The following BBIP1 variants were observed in gnomAD, a reference collection of about 807,000 sequenced individuals.
BBIP1 encodes the protein BBSome-interacting protein 1.
In BBIP1, 6 loss-of-function variants were observed where a neutral mutation model predicts 8.9. The ratio of observed to expected loss-of-function variants is 0.67; its 90% CI spans 0.37 to 1.33. The LOEUF is 1.33. BBIP1 is among the 40% of genes most tolerant of loss of function. The pLI, the probability that BBIP1 is intolerant of heterozygous loss-of-function variation, is 0.02. For synonymous variants in BBIP1, 32 were observed against 33.4 expected, an observed-to-expected ratio of 0.96 and a Z score of 0.14; for missense variants, 111 against 109.2, an observed-to-expected ratio of 1.02 and a Z score of -0.07.
chr10:110,900,312 T>TTAAA lies in BBIP1; in HGVS notation c.*44_*47dup. ...ACAGAAGCATATTTTCTAGTTATTG[T>TTAAA]TAAATAGTAGATAAGGCAGGTTGTT... On this transcript the variant is annotated 3_prime_UTR_variant, in exon 4 of 4. Coordinates refer to ENST00000448814, the MANE Select transcript of BBIP1 (RefSeq NM_001195305.3). 2.0e-6 allele frequency: 3 copies of TTAAA among 1,474,092 alleles called. No homozygotes were observed. The highest frequency in any genetic ancestry group is 2.7e-6 in the Non-Finnish European group (3 of 1,108,774). The allele number at this position is 1,474,092 out of a possible 1,614,324, so 91.3% of individuals were successfully genotyped here.
chr10:110,903,579 T>G (rs190188196), intron 2 of BBIP1: 1 of 152,408 alleles, frequency 6.6e-6, no homozygotes, highest in East Asian at 1.9e-4. Context: ...GGCTACACTT[T>G]GTTGATAATC....
At chr10:110,900,834 C>A in intron 3 of BBIP1, 1 of 286,326 alleles carries the variant, frequency 3.5e-6, no homozygotes, top group Non-Finnish European at 6.6e-6. Flanking sequence ...TATATATATA[C>A]ATAGTGCAAA....
Position 110,900,166 on chromosome 10 carries a change from G to A in BBIP1, c.*194C>T. 1.9e-6 allele frequency: 1 copy of A among 530,898 alleles called. No homozygotes were observed. The highest frequency in any genetic ancestry group is 3.1e-6 in the Non-Finnish European group (1 of 324,552). 32.9% of individuals were successfully genotyped at this position (530,898 alleles called of 1,614,324 possible). A position where few individuals can be genotyped will look rare whatever the true frequency, so the allele number is the denominator to read the frequency against. ...ATAAAACTTGGTTCATAGTTTAACT[G>A]TTTATGTTCAATACAAACCAGAGTG... On this transcript the variant is annotated 3_prime_UTR_variant, in exon 4 of 4. Transcript: ENST00000448814.
At chr10:110,906,151 C>T (rs1015413047) in intron 2 of BBIP1, among the ~76,000 whole-genome samples, 2 of 151,748 alleles carry the variant, frequency 1.3e-5, no homozygotes, top group Non-Finnish European at 1.5e-5. Flanking sequence ...TACAGGCGCC[C>T]GCCACCAAGC....
At chr10:110,908,546 A>G (rs1846197703) in intron 2 of BBIP1, among the ~76,000 whole-genome samples, 1 of 152,254 alleles carries the variant, frequency 6.6e-6, no homozygotes, top group Non-Finnish European at 1.5e-5. Flanking sequence ...TCTAGGCTTG[A>G]GGATCCTGAA....
intron 2 of BBIP1, chr10:110,910,719 T>C (rs1318500434): frequency 1.3e-5 from 2 of 152,090 alleles, no homozygotes; most frequent in African/African-American, 4.8e-5. Flanking sequence ...TGAGCTAACA[T>C]GATTGTGGAT....
chr10:110,914,122 C>T (rs889550407), intron 2 of BBIP1, among the ~76,000 whole-genome samples: 3 of 152,126 alleles, frequency 2.0e-5, no homozygotes, highest in Admixed American at 6.5e-5. Flanking sequence ...TCTGACTTTG[C>T]AACTACAGTA....
At position 110,912,334 on chromosome 10, in the gene BBIP1, T is replaced by G. The variant is rs764570854; in HGVS notation, c.37+5787A>C. The G allele has an allele frequency of 2.0e-5, 3 of 152,320 alleles. No homozygotes were observed. In the East Asian group the frequency reaches 5.8e-4, roughly 29 times the overall value. 9.4% of individuals were successfully genotyped at this position (152,320 alleles called of 1,614,324 possible). A position where few individuals can be genotyped will look rare whatever the true frequency, so the allele number is the denominator to read the frequency against. The stretch of plus-strand genomic sequence containing the variant: ...CACTGAAACTTTCAAATCCTAAGCT[T>G]AATTAGAAATATACAACACTTTAAA... On this transcript the variant is annotated intron_variant, in intron 2 of 3. Coordinates refer to ENST00000448814, the MANE Select transcript of BBIP1 (RefSeq NM_001195305.3).
chr10:110,912,601 G>A (rs527295997), intron 2 of BBIP1, among the ~76,000 whole-genome samples: 1 of 152,258 alleles, frequency 6.6e-6, no homozygotes, highest in South Asian at 2.1e-4. Context: ...TACTCATAAC[G>A]TATACATATG....
Position 110,917,194 on chromosome 10 carries a change from A to ATTTTTTTTTT in BBIP1, c.37+917_37+926dup, listed in dbSNP as rs67066048. On this transcript the variant is annotated intron_variant, in intron 2 of 3. Transcript: ENST00000448814. ...AAAGAAAAATTTTGACTGGATCCTGATTTTTTTTTTTTTTTTTTTTTTTTG... is the reference window on the plus strand; with the variant it reads ...AAAGAAAAATTTTGACTGGATCCTGATTTTTTTTTTTTTTTTTTTTTTTTTTTTTTTTTTG... Among the ~76,000 whole-genome samples the ATTTTTTTTTT allele has an allele frequency of 7.4e-5, 8 of 107,972 alleles. 1 individual carries two copies. The highest frequency in any genetic ancestry group is 1.1e-4 in the Non-Finnish European group (6 of 56,026). 70.8% of individuals were successfully genotyped at this position (107,972 alleles called of 152,430 possible).
Position 110,898,825 on chromosome 10 carries a change from T to G in BBIP1, c.*1535A>C, listed in dbSNP as rs139237079. On this transcript the variant is annotated 3_prime_UTR_variant, in exon 4 of 4. Transcript: ENST00000448814. ...ATTTTGAATCTCATAAGGAAGCATA[T>G]TTGAACCTAGTCAATTTAATCTTAG... 1.2e-4 allele frequency: 19 copies of G among 152,746 alleles called. No homozygotes were observed. The East Asian group carries it at 3.7e-3, about 29-fold the overall frequency. The allele number at this position is 152,746 out of a possible 1,614,324, so 9.5% of individuals were successfully genotyped here. A position where few individuals can be genotyped will look rare whatever the true frequency, so the allele number is the denominator to read the frequency against.
chr10:110,917,839 A>G, intron 2 of BBIP1: 1 of 486,704 alleles, frequency 2.1e-6, no homozygotes. Flanking sequence ...TTATATATAT[A>G]TAACATACTG....
intron 3 of BBIP1, chr10:110,901,122 T>C (rs911289021): frequency 2.2e-6 from 1 of 455,084 alleles, no homozygotes; most frequent in African/African-American, 2.0e-5. Flanking sequence ...AGATCCCTTC[T>C]CTACAAAAAT....
At chr10:110,909,172 G>A (rs1846212022) in intron 2 of BBIP1, among the ~76,000 whole-genome samples, 1 of 151,472 alleles carries the variant, frequency 6.6e-6, no homozygotes, top group Non-Finnish European at 1.5e-5. Context: ...TAAAGACTAA[G>A]ATTTATATAA....
chr10:110,901,799 A>C, intron 2 of BBIP1, 187 bp from the exon 3 acceptor site: 1 of 571,846 alleles, frequency 1.7e-6, no homozygotes, highest in East Asian at 3.0e-5. Flanking sequence ...GATCTTGTCA[A>C]CTTCCATTAG....
At chr10:110,915,495 C>G (rs1009422739) in intron 2 of BBIP1, among the ~76,000 whole-genome samples, 6 of 152,124 alleles carry the variant, frequency 3.9e-5, no homozygotes, top group Non-Finnish European at 8.8e-5. Context: ...CTTAAGAGAA[C>G]TACTGTCATA....
intron 3 of BBIP1, chr10:110,901,023 T>A (rs1845984955): frequency 2.7e-6 from 1 of 366,300 alleles, no homozygotes; most frequent in Non-Finnish European, 5.3e-6. Context: ...TGGTAGCTCT[T>A]ACCTGTTATC....
intron 1 of BBIP1, among the ~76,000 whole-genome samples, chr10:110,918,526 G>C (rs1846497199): frequency 6.6e-6 from 1 of 152,252 alleles, no homozygotes; most frequent in Non-Finnish European, 1.5e-5. Context: ...AGGCCAAGGA[G>C]TGAAAGTACT....
chr10:110,901,076 G>A, intron 3 of BBIP1: 1 of 445,950 alleles, frequency 2.2e-6, no homozygotes, highest in Non-Finnish European at 4.5e-6. Context: ...GTTTGTTTGA[G>A]CCCAGGGGTT....
Sources: allele counts gnomAD v4.1 joint callset (sites outside exome capture counted in the v4.1 genomes callset), GRCh38; gene constraint gnomAD v4.1.1; transcripts MANE v1.5; gene names NCBI Gene and HGNC (gene_info 2026-07-23, HGNC 2026-07-21).